The following PDE4C variants were observed in gnomAD, a reference collection of about 807,000 sequenced individuals.
PDE4C encodes phosphodiesterase 4C.
Under a neutral mutation model 63.9 loss-of-function variants are expected in PDE4C, and 50 were observed. The ratio of observed to expected loss-of-function variants is 0.78; its 90% confidence interval spans 0.62 to 0.99. The LOEUF (loss-of-function observed/expected upper bound fraction) is 0.99. Among genes scored for constraint, PDE4C ranks in the 50% least tolerant of loss-of-function variants. The probability of loss-of-function intolerance (pLI) is 0.00; values close to 1 mark genes in which losing one functional copy is unlikely to be tolerated. For synonymous variants in PDE4C, 377 were observed against 385.1 expected, an observed-to-expected ratio of 0.98 and a Z score of 0.25; for missense variants, 777 against 899.1, an observed-to-expected ratio of 0.86 and a Z score of 1.74.
At chr19:18,252,066 G>C, upstream of PDE4C, 1 of 398,856 alleles carries the variant, frequency 2.5e-6, no homozygotes, top group Non-Finnish European at 4.4e-6. Flanking sequence ...ATACTCACCT[G>C]GGCCAGGGGG....
At chr19:18,222,104 G>T in intron 2 of PDE4C, 28 bp downstream of exon 2, 1 of 1,573,064 alleles carries the variant, frequency 6.4e-7, no homozygotes, top group Non-Finnish European at 8.7e-7. Context: ...GGGTAGAGGC[G>T]GTGTCATCCC....
chr19:18,220,087 A>C lies in PDE4C; in HGVS notation c.706+139T>G. 1.4e-6 allele frequency: 1 copy of C among 718,550 alleles called. No homozygotes were observed. Among genetic ancestry groups the C allele is most frequent in the Admixed American group, 2.1e-5 (1 of 47,728 alleles). The allele number at this position is 718,550 out of a possible 1,614,324, so 44.5% of individuals were successfully genotyped here. A position where few individuals can be genotyped will look rare whatever the true frequency, so the allele number is the denominator to read the frequency against. ...GAAGTTCCCCTTGTTCCTCCCTCTG[A>C]TCCAGCCCTGACTCATGGGGGCTGA... On this transcript the variant is annotated intron_variant, in intron 7 of 14. Coordinates refer to ENST00000262805, the Ensembl canonical transcript of PDE4C. The surrounding 1 kb of genome is among the most constrained non-coding windows in gnomAD (Gnocchi z 5.1).
At position 18,218,338 on chromosome 19, in the gene PDE4C, AG is replaced by A; in HGVS notation, c.1129del (p.Leu377SerfsTer32). On this transcript the variant is annotated frameshift_variant, in exon 10 of 15. Coordinates refer to ENST00000262805, the Ensembl canonical transcript of PDE4C. LOFTEE classifies it high-confidence loss of function. ...CCTGCAGTCATGGCGCAGTACCTCG[AG>A]GGCGGGCGTAGCCAGCAGCACATGC... 1 of 1,614,216 alleles carries A rather than the reference AG, an allele frequency of 6.2e-7. No individual in the cohort carries two copies. The highest frequency in any genetic ancestry group is 8.5e-7 in the Non-Finnish European group (1 of 1,180,028).
Position 18,244,487 on chromosome 19 carries a change from T to TTTG in PDE4C, c.-210+3681_-210+3683dup, listed in dbSNP as rs574256873. Among the ~76,000 whole-genome samples, 288 of 151,214 alleles carry TTTG rather than the reference T, an allele frequency of 1.9e-3. 2 individuals carry two copies. The highest frequency in any genetic ancestry group is 6.1e-3 in the African/African-American group (251 of 41,274). ...GAGCTCCCTTTTGTTGTTGTTGGGT[T>TTTG]TTGTTGTTGTTGTTGTTGTTGTTTG... On this transcript the variant is annotated intron_variant, in intron 1 of 15. Transcript: ENST00000594617.
At chr19:18,241,932 T>C (rs1969048356) in intron 1 of PDE4C, among the ~76,000 whole-genome samples, 1 of 150,646 alleles carries the variant, frequency 6.6e-6, no homozygotes, top group Non-Finnish European at 1.5e-5. Context: ...CACGTATTCA[T>C]TGAACAAATG....
chr19:18,219,387 G>T, exon 8 of PDE4C: 1 of 1,602,218 alleles, frequency 6.2e-7, no homozygotes, highest in South Asian at 1.1e-5. Flanking sequence ...GCTCCACCTC[G>T]GTCTGCTGGT....
chr19:18,221,066 T>G, intron 4 of PDE4C, 39 bp downstream of exon 4: 1 of 721,624 alleles, frequency 1.4e-6, no homozygotes, highest in Non-Finnish European at 1.9e-6. Flanking sequence ...ACCTTGTCTC[T>G]GCCGGCCCCG....
intron 1 of PDE4C, among the ~76,000 whole-genome samples, chr19:18,244,535 G>C (rs1047769322): frequency 2.6e-5 from 4 of 151,116 alleles, no homozygotes; most frequent in African/African-American, 9.7e-5. Flanking sequence ...TTTTGAGACA[G>C]GGCCTTCCCT....
intron 1 of PDE4C, among the ~76,000 whole-genome samples, chr19:18,232,374 CGTGTGTGTGT>C (rs4006742): frequency 2.7e-5 from 4 of 149,848 alleles, no homozygotes; most frequent in South Asian, 4.2e-4. Flanking sequence ...AAAATAAAAA[CGTGTGTGTGT>C]GTGTGTGTGT....
upstream of PDE4C, among the ~76,000 whole-genome samples, chr19:18,236,116 T>G (rs1254774780): frequency 4.6e-5 from 7 of 151,748 alleles, no homozygotes; most frequent in African/African-American, 1.7e-4. Context: ...CTAATTTTTT[T>G]GTATTTTTAG....
intron 8 of PDE4C, 67 bp downstream of exon 8, chr19:18,219,167 C>T (rs1968348584): frequency 7.5e-6 from 12 of 1,608,870 alleles, no homozygotes; most frequent in Middle Eastern, 1.9e-4. Context: ...CAAACAGGCC[C>T]GAGATAGGGC....
intron 1 of PDE4C, among the ~76,000 whole-genome samples, chr19:18,241,330 G>T (rs566418514): frequency 1.6e-4 from 20 of 122,820 alleles, no homozygotes; most frequent in African/African-American, 6.3e-4. Flanking sequence ...GCAGTGGCGC[G>T]ATCTCGGCTC....
At chr19:18,241,788 G>A (rs754508901) in intron 1 of PDE4C, among the ~76,000 whole-genome samples, 6 of 151,996 alleles carry the variant, frequency 3.9e-5, no homozygotes, top group Non-Finnish European at 2.9e-5. Flanking sequence ...GGGCTCAAGC[G>A]ATCCACAAAC....
exon 1 of PDE4C, chr19:18,233,422 A>G (rs1968893542): frequency 1.4e-6 from 1 of 704,938 alleles, no homozygotes; most frequent in Non-Finnish European, 2.6e-6. Flanking sequence ...AACAGGGGAG[A>G]AGAACGTGGT....
rs558973664 is a variant in PDE4C at position 18,247,603 on chromosome 19, G to A, written c.-210+568C>T. Among the ~76,000 whole-genome samples, 253 of 152,146 alleles carry A rather than the reference G, an allele frequency of 1.7e-3. 2 individuals carry two copies. The Middle Eastern group carries it at 0.02, about 12-fold the overall frequency. On this transcript the variant is annotated intron_variant, in intron 1 of 15. Coordinates refer to the PDE4C transcript ENST00000594617. ...GAGCCACCGCGCCTGGCCAGCTCTG[G>A]GTATTTCTCAGTAGAGGGTCTCTGG...
chr19:18,251,269 G>A (rs2148081803), upstream of PDE4C, among the ~76,000 whole-genome samples: 1 of 151,362 alleles, frequency 6.6e-6, no homozygotes, highest in South Asian at 2.1e-4. Flanking sequence ...CGGATTACAG[G>A]CGCCCGCCAC....
At chr19:18,223,376 A>C (rs1968576192) in intron 1 of PDE4C, among the ~76,000 whole-genome samples, 2 of 151,968 alleles carry the variant, frequency 1.3e-5, no homozygotes, top group Non-Finnish European at 2.9e-5. Flanking sequence ...ACGCCCAGCT[A>C]ATTTTGTATT....
At position 18,222,622 on chromosome 19, in the gene PDE4C, TTCTC is replaced by T. The variant is rs1216063179; in HGVS notation, c.147-303_147-300del. ...AATCACCCTATTTCTTTTATTTTTT[TTCTC>T]TCTTTCTTTTTTTTTTTTCTTTCTC... On this transcript the variant is annotated intron_variant, in intron 1 of 14. Coordinates refer to ENST00000262805, the Ensembl canonical transcript of PDE4C. 3.1e-4 allele frequency among the ~76,000 whole-genome samples: 44 copies of T among 142,632 alleles called. 2 individuals are homozygous for T. Among genetic ancestry groups the T allele is most frequent in the Admixed American group, 7.9e-4 (11 of 13,888 alleles). 93.6% of individuals were successfully genotyped at this position (142,632 alleles called of 152,430 possible). A position where few individuals can be genotyped will look rare whatever the true frequency, so the allele number is the denominator to read the frequency against.
upstream of PDE4C, among the ~76,000 whole-genome samples, chr19:18,230,585 A>T (rs934647470): frequency 2.6e-5 from 4 of 152,186 alleles, no homozygotes; most frequent in African/African-American, 4.8e-5. Flanking sequence ...ATCCATTTTC[A>T]GCTCCTCACA....
Sources: gnomAD v4.1 joint callset for allele counts (sites outside exome capture counted in the v4.1 genomes callset) on GRCh38, gnomAD v4.1.1 for gene constraint, Gnocchi (gnomAD v3.1) non-coding constraint, MANE v1.5 for transcripts, NCBI Gene and HGNC (gene_info 2026-07-23, HGNC 2026-07-21) for gene names.